FBXL17: variants seen among roughly 807,000 people sequenced by gnomAD.
FBXL17 encodes F-box and leucine rich repeat protein 17.
FBXL17 carries 22 observed loss-of-function variants against 66.2 expected under a neutral mutation model. The ratio of observed to expected loss-of-function variants is 0.33; its 90% CI spans 0.24 to 0.47. The LOEUF is 0.47. Ranked by LOEUF, FBXL17 falls within the 20% of genes least tolerant of loss-of-function variation. The probability of loss-of-function intolerance (pLI) is 1.00; values close to 1 mark genes in which losing one functional copy is unlikely to be tolerated. For synonymous variants in FBXL17, 474 were observed against 400.5 expected (o/e 1.18, Z -2.19); for missense variants, 878 against 948.2 (o/e 0.93, Z 0.97).
chr5:107,924,335 G>A (rs1050266936), intron 7 of FBXL17, among the ~76,000 whole-genome samples: 1 of 152,048 alleles, frequency 6.6e-6, no homozygotes, highest in African/African-American at 2.4e-5. Context: ...TAAGCTTCAT[G>A]GCAGAGAGCC....
chr5:108,189,999 G>C (rs936541298), intron 5 of FBXL17, among the ~76,000 whole-genome samples: 3 of 152,184 alleles, frequency 2.0e-5, no homozygotes, highest in Middle Eastern at 3.2e-3. Context: ...ACCCCAGGCA[G>C]AGGACACAGC....
chr5:107,870,832 G>A (rs1342737797), intron 8 of FBXL17, among the ~76,000 whole-genome samples: 3 of 151,742 alleles, frequency 2.0e-5, no homozygotes, highest in African/African-American at 2.4e-5. Flanking sequence ...TGATCTACCC[G>A]CCTCAGCCTC....
chr5:107,979,844 A>G (rs183076645), intron 7 of FBXL17, among the ~76,000 whole-genome samples: 14 of 152,364 alleles, frequency 9.2e-5, no homozygotes, highest in Admixed American at 8.5e-4. Context: ...GTTTATTTTC[A>G]TGCCTTTAGA....
intron 4 of FBXL17, among the ~76,000 whole-genome samples, chr5:108,260,793 C>T (rs2150125389): frequency 6.6e-6 from 1 of 152,200 alleles, no homozygotes; most frequent in East Asian, 1.9e-4. Context: ...AAGAAAGATT[C>T]CGCTCTGTGC....
At chr5:108,228,071 G>A (rs922733536) in intron 4 of FBXL17, among the ~76,000 whole-genome samples, 2 of 152,112 alleles carry the variant, frequency 1.3e-5, no homozygotes, top group African/African-American at 4.8e-5. Flanking sequence ...GAGAAAAAGT[G>A]GGGTTTGAAA....
chr5:108,350,938 A>AACGGTCGTAAGATACTAAGGTGACCACTT (rs1747605484), intron 3 of FBXL17, among the ~76,000 whole-genome samples: 1 of 152,208 alleles, frequency 6.6e-6, no homozygotes, highest in African/African-American at 2.4e-5. Flanking sequence ...TCTTAAGGAT[A>AACGGTCGTAAGATACTAAGGTGACCACTT]ACGGTCGTAA....
intron 7 of FBXL17, among the ~76,000 whole-genome samples, chr5:107,990,391 T>A (rs985998343): frequency 1.3e-5 from 2 of 152,320 alleles, no homozygotes; most frequent in East Asian, 3.9e-4. Flanking sequence ...GTAAAAGATG[T>A]TTATCATCAT....
intron 4 of FBXL17, among the ~76,000 whole-genome samples, chr5:108,304,389 T>C (rs73214584): frequency 0.017 from 2,554 of 152,082 alleles, 72 homozygotes; most frequent in African/African-American, 0.056. Context: ...ATTAACCAAA[T>C]AACATAATTA....
intron 7 of FBXL17, among the ~76,000 whole-genome samples, chr5:108,019,511 C>T (rs556695992): frequency 6.6e-6 from 1 of 151,908 alleles, no homozygotes; most frequent in East Asian, 1.9e-4. Flanking sequence ...AGCTACCTGA[C>T]AATTGGCAGT....
chr5:108,309,025 T>C (rs1294640265), intron 4 of FBXL17, among the ~76,000 whole-genome samples: 1 of 151,882 alleles, frequency 6.6e-6, no homozygotes, highest in Non-Finnish European at 1.5e-5. Context: ...AAAAAACAAA[T>C]ACCTGGCAAG....
intron 6 of FBXL17, among the ~76,000 whole-genome samples, chr5:108,116,749 C>A (rs1369037): frequency 7.5e-6 from 1 of 133,754 alleles, no homozygotes; most frequent in African/African-American, 2.8e-5. Flanking sequence ...ATTATGTGCA[C>A]ATAATTTCTT....
chr5:108,307,698 C>T (rs896349184), intron 4 of FBXL17, among the ~76,000 whole-genome samples: 1 of 152,044 alleles, frequency 6.6e-6, no homozygotes, highest in East Asian at 1.9e-4. Flanking sequence ...CACAAAGGTA[C>T]TTTGCTGCTA....
At chr5:108,124,477 C>T (rs1750620789) in intron 6 of FBXL17, among the ~76,000 whole-genome samples, 1 of 151,992 alleles carries the variant, frequency 6.6e-6, no homozygotes. Flanking sequence ...AAACTCCAAA[C>T]TTAAGCAAAT....
At chr5:108,215,839 A>G (rs1354196799) in intron 5 of FBXL17, among the ~76,000 whole-genome samples, 1 of 152,086 alleles carries the variant, frequency 6.6e-6, no homozygotes, top group African/African-American at 2.4e-5. Flanking sequence ...TAACTCCTAC[A>G]TTTAGGTCTT....
intron 6 of FBXL17, among the ~76,000 whole-genome samples, chr5:108,108,888 A>T (rs1340675980): frequency 6.7e-6 from 1 of 150,304 alleles, no homozygotes; most frequent in East Asian, 2.0e-4. Context: ...GGTTCAAGCG[A>T]TTCTCCTGCC....
intron 1 of FBXL17, among the ~76,000 whole-genome samples, chr5:108,379,590 G>T (rs1749696852): frequency 6.6e-6 from 1 of 152,086 alleles, no homozygotes; most frequent in African/African-American, 2.4e-5. Context: ...AATAACAATT[G>T]TAATTAATGA....
chr5:108,233,479 T>A (rs1035449177), intron 4 of FBXL17, among the ~76,000 whole-genome samples: 3 of 152,070 alleles, frequency 2.0e-5, no homozygotes, highest in African/African-American at 7.2e-5. Context: ...TGACTCAGGA[T>A]TTGGAAAGAA....
intron 6 of FBXL17, among the ~76,000 whole-genome samples, chr5:108,080,863 C>A (rs1748734795): frequency 6.6e-6 from 1 of 152,118 alleles, no homozygotes; most frequent in Non-Finnish European, 1.5e-5. Flanking sequence ...CTCCAAGTAG[C>A]AGGTTTCAGA....
intron 7 of FBXL17, among the ~76,000 whole-genome samples, chr5:107,911,322 T>C (rs966078261): frequency 1.3e-5 from 2 of 152,104 alleles, no homozygotes; most frequent in Non-Finnish European, 2.9e-5. Context: ...ATGTTTCGTG[T>C]ATTAAAATAC....
Sources: allele counts gnomAD v4.1 joint callset (sites outside exome capture counted in the v4.1 genomes callset), GRCh38; gene constraint gnomAD v4.1.1; transcripts MANE v1.5; gene names NCBI Gene and HGNC (gene_info 2026-07-23, HGNC 2026-07-21).